Variants in STARD4 observed in about 807,000 individuals in gnomAD.
STARD4 encodes stAR-related lipid transfer protein 4.
STARD4 carries 33 observed loss-of-function variants against 24.9 expected under a neutral mutation model. That is an observed-to-expected ratio of 1.32 (90% confidence interval 1.00 to 1.77). The LOEUF (loss-of-function observed/expected upper bound fraction) is 1.77, where lower values mean the gene tolerates loss of function less well. Ranked by LOEUF, STARD4 falls within the 40% of genes most tolerant of loss-of-function variation. The pLI, the probability that STARD4 is intolerant of heterozygous loss-of-function variation, is 0.00. For synonymous variants in STARD4, 88 were observed against 77.4 expected (o/e 1.14, Z -0.72); for missense variants, 238 against 249.3 (o/e 0.95, Z 0.31).
At chr5:111,501,912 C>T (rs759204129) in intron 4 of STARD4, 50 bp downstream of exon 4, 2 of 1,607,896 alleles carry the variant, frequency 1.2e-6, no homozygotes, top group South Asian at 1.1e-5. Context: ...CACTCATGCC[C>T]TCCCTCATGC....
In STARD4 at chr5:111,501,101, G is replaced by C. The variant is rs767010005; in HGVS notation, c.298C>G (p.Arg100Gly). The stretch of plus-strand genomic sequence containing the variant: ...CAAAGCTGACCAGCAGTAGTGTAAC[G>C]CATCACACAGCAATTCTGAAAAAGA... ...ENFEENCCVMRYTTAGQLWNI... is the reference protein window; with the variant it reads ...ENFEENCCVMGYTTAGQLWNI... The change falls in exon 5 of 6, where the codon CGT becomes GGT. Residue 100 changes from arginine (R) to glycine (G), a missense_variant. Physicochemically the swap from Arg to Gly is moderately radical, Grantham distance 125. Transcript: ENST00000296632. 2.5e-6 allele frequency: 4 copies of C among 1,596,664 alleles called. No individual in the cohort carries two copies. The highest frequency in any genetic ancestry group is 1.7e-4 in the Middle Eastern group (1 of 6,014).
chr5:111,505,716 A>C (rs1397904957), intron 3 of STARD4, among the ~76,000 whole-genome samples: 1 of 152,154 alleles, frequency 6.6e-6, no homozygotes, highest in Non-Finnish European at 1.5e-5. Flanking sequence ...TAAGTTCCTA[A>C]GATAAAATGT....
chr5:111,504,651 G>A (rs1017286474), intron 3 of STARD4, among the ~76,000 whole-genome samples: 1 of 152,082 alleles, frequency 6.6e-6, no homozygotes, highest in African/African-American at 2.4e-5. Context: ...TATAACTCAA[G>A]CCAAACTTAT....
chr5:111,512,117 G>C (rs1401133129), intron 1 of STARD4: 1 of 152,342 alleles, frequency 6.6e-6, no homozygotes, highest in African/African-American at 2.4e-5. Flanking sequence ...TACTTAAATA[G>C]GTGAGCGGCG....
chr5:111,508,804 G>A (rs1757042910), intron 1 of STARD4, among the ~76,000 whole-genome samples: 1 of 152,036 alleles, frequency 6.6e-6, no homozygotes, highest in South Asian at 2.1e-4. Context: ...TTATTCTGTT[G>A]TCTAGCCAGA....
At chr5:111,503,446 T>C (rs889339354) in intron 3 of STARD4, among the ~76,000 whole-genome samples, 5 of 152,102 alleles carry the variant, frequency 3.3e-5, no homozygotes, top group Non-Finnish European at 7.4e-5. Context: ...CTGGCCAACA[T>C]GGTGAAACCC....
chr5:111,502,156 T>C (rs1455732361), intron 3 of STARD4, 68 bp from the exon 4 acceptor site: 14 of 1,524,174 alleles, frequency 9.2e-6, no homozygotes, highest in African/African-American at 2.8e-5. Context: ...TTATAGTGCA[T>C]AGCTAACTTT....
chr5:111,507,387 T>C lies in STARD4; in HGVS notation c.47A>G (p.Asn16Ser), dbSNP rs200630716. 1.9e-6 allele frequency: 3 copies of C among 1,613,628 alleles called. No individual in the cohort carries two copies. The highest frequency in any genetic ancestry group is 4.5e-5 in the East Asian group (2 of 44,832). Residue 16 changes from asparagine to serine, a missense_variant, in exon 2 of 6, where the codon AAC (asparagine) becomes AGC (serine). Coordinates refer to ENST00000296632, the MANE Select transcript of STARD4 (RefSeq NM_139164.3). The surrounding 1 kb of genome is among the most constrained non-coding windows in gnomAD (Gnocchi z 4.4). Reference protein sequence around the residue: ...DVASFATKLKNTLIQYHSIEE... With the variant: ...DVASFATKLKSTLIQYHSIEE... ...AATGCTATGGTACTGGATGAGAGTGTTTTTAAGTTTAGTTGCAAAAGAAGC... is the reference window on the plus strand; with the variant it reads ...AATGCTATGGTACTGGATGAGAGTGCTTTTAAGTTTAGTTGCAAAAGAAGC...
intron 3 of STARD4, chr5:111,505,041 ACT>A (rs1266441144): frequency 6.6e-6 from 3 of 451,176 alleles, no homozygotes; most frequent in African/African-American, 4.1e-5. Flanking sequence ...TCCCTTTAAG[ACT>A]CTGAAAAAAA....
At position 111,497,507 on chromosome 5, in the gene STARD4, C is replaced by CA. The variant is rs1472262449; in HGVS notation, c.*2378dup. On this transcript the variant is annotated 3_prime_UTR_variant, in exon 6 of 6. Transcript: ENST00000296632. Reference sequence around the variant, plus strand: ...AATTTGTAAAATGCATACCAGATTTCAAAAAATTAGTACAAGAAATAGTAC... The same window carrying CA: ...AATTTGTAAAATGCATACCAGATTTCAAAAAAATTAGTACAAGAAATAGTAC... 1 of 151,858 alleles carries CA rather than the reference C, an allele frequency of 6.6e-6. No homozygotes were observed. The allele number at this position is 151,858 out of a possible 1,614,324, so 9.4% of individuals were successfully genotyped here. A position where few individuals can be genotyped will look rare whatever the true frequency, so the allele number is the denominator to read the frequency against.
At chr5:111,502,220 G>T in intron 3 of STARD4, 132 bp from the exon 4 acceptor site, 1 of 1,051,690 alleles carries the variant, frequency 9.5e-7, no homozygotes, top group Non-Finnish European at 1.3e-6. Flanking sequence ...TGTAATCCCA[G>T]CATTCTGGGA....
At position 111,507,220 on chromosome 5, in the gene STARD4, C is replaced by T. The variant is rs1038504394; in HGVS notation, c.105+109G>A. On this transcript the variant is annotated intron_variant, in intron 2 of 5. Coordinates refer to ENST00000296632, the MANE Select transcript of STARD4 (RefSeq NM_139164.3). This position sits in a 1 kb window ranked among gnomAD's most constrained non-coding sequence, Gnocchi z 4.4. ...AGCTCAATTATTTTTCTTGCATATC[C>T]ATCCAAAGTATGGTCTTTGTCCATA... 3 of 843,744 alleles carry T rather than the reference C, an allele frequency of 3.6e-6. No individual in the cohort carries two copies. Among genetic ancestry groups the T allele is most frequent in the African/African-American group, 3.5e-5 (2 of 57,542 alleles). 52.3% of individuals were successfully genotyped at this position (843,744 alleles called of 1,614,324 possible). A position where few individuals can be genotyped will look rare whatever the true frequency, so the allele number is the denominator to read the frequency against.
rs917365902 is a variant in STARD4, at chr5:111,498,901, C to T, written c.*985G>A. 6.6e-6 allele frequency: 1 copy of T among 152,100 alleles called. No homozygotes were observed. The highest frequency in any genetic ancestry group is 2.4e-5 in the African/African-American group (1 of 41,416). 9.4% of individuals were successfully genotyped at this position (152,100 alleles called of 1,614,324 possible). A position where few individuals can be genotyped will look rare whatever the true frequency, so the allele number is the denominator to read the frequency against. On this transcript the variant is annotated 3_prime_UTR_variant, in exon 6 of 6. Coordinates refer to ENST00000296632, the MANE Select transcript of STARD4 (RefSeq NM_139164.3). ...TTCTTTCTTTACACTCAAGAAAACA[C>T]AATAAAGTAAAACACAGATCAAACT...
intron 4 of STARD4, 30 bp downstream of exon 4, chr5:111,501,932 C>T: frequency 6.2e-7 from 1 of 1,612,650 alleles, no homozygotes; most frequent in Non-Finnish European, 8.5e-7. Flanking sequence ...CACATACACA[C>T]AGTCTAAAGT....
chr5:111,510,961 C>A (rs909293308), intron 1 of STARD4, among the ~76,000 whole-genome samples: 1 of 152,188 alleles, frequency 6.6e-6, no homozygotes, highest in African/African-American at 2.4e-5. Flanking sequence ...ACGGTCTAAC[C>A]TTGCATTACT....
At position 111,501,048 on chromosome 5, in the gene STARD4, A is replaced by G; in HGVS notation, c.351T>C (p.Val117=). The change falls in exon 5 of 6, where the codon GTT becomes GTC. Residue 117 remains valine (V), a synonymous_variant. Coordinates refer to ENST00000296632, the MANE Select transcript of STARD4 (RefSeq NM_139164.3). Reference sequence around the variant, plus strand: ...TATAGCCCACAGTATAGGAGAAATCAACAAATTCTCTTGGGGAAATTATAT... The same window carrying G: ...TATAGCCCACAGTATAGGAGAAATCGACAAATTCTCTTGGGGAAATTATAT... The part of the protein sequence containing the change: ...LWNIISPREF[V]DFSYTVGYKE... 2 of 1,613,292 alleles carry G rather than the reference A, an allele frequency of 1.2e-6. No individual in the cohort carries two copies. Among genetic ancestry groups the G allele is most frequent in the Non-Finnish European group, 1.7e-6 (2 of 1,179,770 alleles).
In STARD4 at chr5:111,502,089, C is replaced by G. The variant is rs1037014141; in HGVS notation, c.156-1G>C. Reference sequence around the variant, plus strand: ...ATCTATAACACCTTGGGCTTTGTAGCTGGAGAAAAAAAGTTTAAGTCAACC... The same window carrying G: ...ATCTATAACACCTTGGGCTTTGTAGGTGGAGAAAAAAAGTTTAAGTCAACC... On this transcript the variant is annotated splice_acceptor_variant, in intron 3 of 5. Transcript: ENST00000296632. LOFTEE classifies it high-confidence loss of function. 38 of 1,606,408 alleles carry G rather than the reference C, an allele frequency of 2.4e-5. No individual in the cohort carries two copies. The highest frequency in any genetic ancestry group is 3.1e-5 in the Non-Finnish European group (37 of 1,177,560).
Position 111,511,604 on chromosome 5 carries a change from G to A in STARD4, c.-10+781C>T, listed in dbSNP as rs374995607. On this transcript the variant is annotated intron_variant, in intron 1 of 5. Coordinates refer to ENST00000296632, the MANE Select transcript of STARD4 (RefSeq NM_139164.3). ...GGGAAAATAGCAACAGGAAGGTTGAGTCACTTGTCCAAGATCACACAGTTC... is the reference window on the plus strand; with the variant it reads ...GGGAAAATAGCAACAGGAAGGTTGAATCACTTGTCCAAGATCACACAGTTC... Among the ~76,000 whole-genome samples the A allele has an allele frequency of 5.9e-5, 9 of 152,292 alleles. No homozygotes were observed. The East Asian group carries it at 9.7e-4, about 16-fold the overall frequency.
chr5:111,499,712 CCT>C lies in STARD4; in HGVS notation c.*172_*173del. The C allele has an allele frequency of 1.6e-6, 1 of 606,210 alleles. No homozygotes were observed. The highest frequency in any genetic ancestry group is 2.8e-6 in the Non-Finnish European group (1 of 355,060). 37.6% of individuals were successfully genotyped at this position (606,210 alleles called of 1,614,324 possible). A position where few individuals can be genotyped will look rare whatever the true frequency, so the allele number is the denominator to read the frequency against. ...TTTAAAAAAAAAAAAGTGAAAATGC[CCT>C]CTCTTAGATAGCTATTTACTTTAGG... On this transcript the variant is annotated 3_prime_UTR_variant, in exon 6 of 6. Coordinates refer to ENST00000296632, the MANE Select transcript of STARD4 (RefSeq NM_139164.3).
Sources: gnomAD v4.1 joint callset for allele counts (sites outside exome capture counted in the v4.1 genomes callset) on GRCh38, gnomAD v4.1.1 for gene constraint, Gnocchi (gnomAD v3.1) non-coding constraint, MANE v1.5 for transcripts, NCBI Gene and HGNC (gene_info 2026-07-23, HGNC 2026-07-21) for gene names.